CHRM3: variants seen among roughly 807,000 people sequenced by gnomAD.
CHRM3 encodes cholinergic receptor muscarinic 3, also known as muscarinic acetylcholine receptor M3.
CHRM3 carries 11 observed loss-of-function variants against 41.8 expected under a neutral mutation model. The observed-to-expected ratio is 0.26, with a 90% CI of 0.17 to 0.44. The LOEUF (loss-of-function observed/expected upper bound fraction) is 0.44. Among genes scored for constraint, CHRM3 ranks in the 20% least tolerant of loss-of-function variants. The pLI, the probability that CHRM3 is intolerant of heterozygous loss-of-function variation, is 1.00. For synonymous variants in CHRM3, 297 were observed against 301.4 expected, an observed-to-expected ratio of 0.99 and a Z score of 0.15; for missense variants, 571 against 745.4, an observed-to-expected ratio of 0.77 and a Z score of 2.72.
chr1:239,741,694 T>C (rs980190164), intron 5 of CHRM3, among the ~76,000 whole-genome samples: 1 of 152,154 alleles, frequency 6.6e-6, no homozygotes, highest in Non-Finnish European at 1.5e-5. Flanking sequence ...TTTGTTTTTT[T>C]TATAACATGC....
intron 3 of CHRM3, among the ~76,000 whole-genome samples, chr1:239,581,502 T>G (rs1196955796): frequency 6.6e-6 from 1 of 152,012 alleles, no homozygotes. Context: ...AAAGTTTGCA[T>G]TGGAAGACAT....
At chr1:239,392,784 C>A (rs1558186271) in intron 1 of CHRM3, among the ~76,000 whole-genome samples, 1 of 152,168 alleles carries the variant, frequency 6.6e-6, no homozygotes, top group Non-Finnish European at 1.5e-5. Flanking sequence ...AAAGGAGCTG[C>A]TAACAGCCTT....
Position 239,409,648 on chromosome 1 carries a change from C to T in CHRM3, c.-521+22421C>T, listed in dbSNP as rs1412863353. On this transcript the variant is annotated intron_variant, in intron 1 of 6. Transcript: ENST00000676153. ...AGTTTGTGATGAAGTAAAATTTGGGCTTGTCATGAGCTTTAGTTACTGATC... is the reference window on the plus strand; with the variant it reads ...AGTTTGTGATGAAGTAAAATTTGGGTTTGTCATGAGCTTTAGTTACTGATC... Among the ~76,000 whole-genome samples the T allele has an allele frequency of 2.0e-5, 3 of 152,112 alleles. No individual in the cohort carries two copies. The East Asian group carries it at 5.8e-4, about 29-fold the overall frequency.
At position 239,868,675 on chromosome 1, in the gene CHRM3, G is replaced by A. The variant is rs74149260; in HGVS notation, c.-19-38758G>A. Among the ~76,000 whole-genome samples the A allele has an allele frequency of 3.7e-4, 56 of 152,256 alleles. 1 individual carries two copies. The highest frequency in any genetic ancestry group is 1.3e-3 in the African/African-American group (52 of 41,546). On this transcript the variant is annotated intron_variant, in intron 6 of 6. Transcript: ENST00000676153. ...CCGTCCTGCCCAGCTGAATAAAGAA[G>A]ACACAGTGCTTCTCTCCCACTACAT...
intron 3 of CHRM3, among the ~76,000 whole-genome samples, chr1:239,588,410 C>T (rs568102862): frequency 6.6e-6 from 1 of 152,094 alleles, no homozygotes; most frequent in Non-Finnish European, 1.5e-5. Flanking sequence ...GCAGGAGACC[C>T]TCAACAAAGA....
chr1:239,849,559 C>T (rs899356320), intron 6 of CHRM3, among the ~76,000 whole-genome samples: 1 of 152,208 alleles, frequency 6.6e-6, no homozygotes, highest in Non-Finnish European at 1.5e-5. Flanking sequence ...AAGACACAAA[C>T]GTGTTTTGCT....
intron 1 of CHRM3, among the ~76,000 whole-genome samples, chr1:239,461,850 GC>G (rs1273325646): frequency 6.6e-6 from 1 of 151,476 alleles, no homozygotes; most frequent in Non-Finnish European, 1.5e-5. Context: ...GTTACATTCT[GC>G]CCTCCTTTCC....
rs189482112 is a variant in CHRM3 at position 239,416,219 on chromosome 1, C to A, written c.-521+28992C>A. Among the ~76,000 whole-genome samples the A allele has an allele frequency of 5.1e-4, 78 of 152,234 alleles. 1 individual carries two copies. Among genetic ancestry groups the A allele is most frequent in the African/African-American group, 1.7e-3 (69 of 41,548 alleles). ...TTTTGTTTTTTGGACTACTTTTTAT[C>A]AGGTTTGATCACTGATTTTCTCCTA... On this transcript the variant is annotated intron_variant, in intron 1 of 6. Coordinates refer to ENST00000676153, the MANE Select transcript of CHRM3 (RefSeq NM_001375978.1).
At chr1:239,852,526 G>T (rs1467935040) in intron 6 of CHRM3, among the ~76,000 whole-genome samples, 1 of 152,120 alleles carries the variant, frequency 6.6e-6, no homozygotes, top group Non-Finnish European at 1.5e-5. Flanking sequence ...ATTTTCATTT[G>T]TAACAAAGAC....
chr1:239,396,105 G>A (rs936490002), intron 1 of CHRM3, among the ~76,000 whole-genome samples: 17 of 152,204 alleles, frequency 1.1e-4, no homozygotes, highest in African/African-American at 4.1e-4. Flanking sequence ...CCAAATTTTA[G>A]CAATTTGTCA....
chr1:239,770,585 G>A (rs1487548073), intron 5 of CHRM3, among the ~76,000 whole-genome samples: 4 of 152,228 alleles, frequency 2.6e-5, no homozygotes, highest in Non-Finnish European at 2.9e-5. Flanking sequence ...GCAGTTATGG[G>A]GAATGAAGGA....
rs553305651 is a variant in CHRM3 at position 239,817,964 on chromosome 1, G to A, written c.-146-9288G>A. Among the ~76,000 whole-genome samples the A allele has an allele frequency of 6.6e-5, 10 of 152,292 alleles. No homozygotes were observed. The South Asian group carries it at 2.1e-3, about 32-fold the overall frequency. ...AAAGCCTGCCTTACCCACAGGCTTTGAGAATTAGACGAGCTAATAGTATGC... is the reference window on the plus strand; with the variant it reads ...AAAGCCTGCCTTACCCACAGGCTTTAAGAATTAGACGAGCTAATAGTATGC... On this transcript the variant is annotated intron_variant, in intron 5 of 6. Coordinates refer to ENST00000676153, the MANE Select transcript of CHRM3 (RefSeq NM_001375978.1).
chr1:239,824,838 G>T (rs1205160004), intron 5 of CHRM3, among the ~76,000 whole-genome samples: 2 of 152,194 alleles, frequency 1.3e-5, no homozygotes, highest in Non-Finnish European at 2.9e-5. Context: ...CTGCCTGAAA[G>T]ATTCTGCCTC....
At position 239,842,543 on chromosome 1, in the gene CHRM3, T is replaced by G. The variant is rs1673903434; in HGVS notation, c.-20+15165T>G. On this transcript the variant is annotated intron_variant, in intron 6 of 6. Transcript: ENST00000676153. ...AGCCACCGTGCCCAGCAGCCCTTCT[T>G]TCTTAATGATGATGGATGGGGAGAC... is the stretch of plus-strand genomic sequence containing the variant. Among the ~76,000 whole-genome samples the G allele has an allele frequency of 2.0e-5, 3 of 152,220 alleles. No individual in the cohort carries two copies. In the South Asian group the frequency reaches 6.2e-4, roughly 32 times the overall value.
intron 6 of CHRM3, among the ~76,000 whole-genome samples, chr1:239,836,019 A>G (rs966607997): frequency 6.6e-6 from 1 of 152,244 alleles, no homozygotes; most frequent in Admixed American, 6.5e-5. Context: ...GATCCATGCT[A>G]TGTGTGTGCA....
At chr1:239,408,805 A>C (rs901812919) in intron 1 of CHRM3, among the ~76,000 whole-genome samples, 2 of 140,610 alleles carry the variant, frequency 1.4e-5, no homozygotes, top group African/African-American at 2.7e-5. Flanking sequence ...TTTTTTTTTC[A>C]GACATGGGGT....
At chr1:239,442,157 T>TG (rs397830192) in intron 1 of CHRM3, among the ~76,000 whole-genome samples, 1 of 151,690 alleles carries the variant, frequency 6.6e-6, no homozygotes, top group Admixed American at 6.6e-5. Flanking sequence ...TTTTTTTTTT[T>TG]GAGATAGTTT....
At chr1:239,606,684 C>A (rs1285171161) in intron 3 of CHRM3, among the ~76,000 whole-genome samples, 1 of 152,162 alleles carries the variant, frequency 6.6e-6, no homozygotes, top group Non-Finnish European at 1.5e-5. Context: ...AACCTAAAGT[C>A]CTGAGTCCTG....
chr1:239,527,575 C>T (rs544076152), intron 2 of CHRM3, among the ~76,000 whole-genome samples: 1 of 152,242 alleles, frequency 6.6e-6, no homozygotes, highest in African/African-American at 2.4e-5. Flanking sequence ...TGAGCTCCCA[C>T]TCATAATTTT....
Sources: gnomAD v4.1 joint callset for allele counts (sites outside exome capture counted in the v4.1 genomes callset) on GRCh38, gnomAD v4.1.1 for gene constraint, MANE v1.5 for transcripts, NCBI Gene and HGNC (gene_info 2026-07-23, HGNC 2026-07-21) for gene names.